Variants in CCDC7 observed in about 807,000 individuals in gnomAD.
The protein encoded by CCDC7 is coiled-coil domain-containing protein 7.
A neutral mutation model predicts 196.9 loss-of-function variants in CCDC7; 183 were observed. That is an observed-to-expected ratio of 0.93 (90% CI 0.82 to 1.05). The LOEUF is 1.05. Among genes scored for constraint, CCDC7 ranks in the 50% least tolerant of loss-of-function variants. The probability of loss-of-function intolerance (pLI) is 0.00; values close to 1 mark genes in which losing one functional copy is unlikely to be tolerated. For missense variants in CCDC7, 1,540 were observed against 1,482.2 expected, an observed-to-expected ratio of 1.04 and a Z score of -0.64; for synonymous variants, 525 against 484.6, an observed-to-expected ratio of 1.08 and a Z score of -1.10.
At chr10:32,823,884 C>T (rs2090683521) in intron 31 of CCDC7, among the ~76,000 whole-genome samples, 1 of 152,154 alleles carries the variant, frequency 6.6e-6, no homozygotes. Flanking sequence ...TAAAGTCCGC[C>T]TGCTAAAAGA....
chr10:32,663,308 A>T (rs973373807), intron 20 of CCDC7, among the ~76,000 whole-genome samples: 2 of 152,214 alleles, frequency 1.3e-5, no homozygotes, highest in African/African-American at 4.8e-5. Flanking sequence ...ACATGAAAAC[A>T]TGCATTGTAG....
rs1228874126 is a variant in CCDC7 at position 32,694,899 on chromosome 10, A to T, written c.2365A>T (p.Lys789Ter). Reference sequence around the variant, plus strand: ...TGTAGCTCATGATGAAGAACCAGGCAAAAATCTTGTGCTTGAACATCAAGA... The same window carrying T: ...TGTAGCTCATGATGAAGAACCAGGCTAAAATCTTGTGCTTGAACATCAAGA... The change falls in exon 24 of 42, where the codon AAA becomes TAA. Residue 789 changes from lysine to a stop codon, truncating the protein, a stop_gained. Coordinates refer to ENST00000639629, the Ensembl canonical transcript of CCDC7. LOFTEE classifies it high-confidence loss of function. The T allele has an allele frequency of 3.1e-6, 5 of 1,598,756 alleles. No individual in the cohort carries two copies. The East Asian group carries it at 1.1e-4, about 36-fold the overall frequency.
chr10:32,553,234 A>T (rs1468046096), intron 13 of CCDC7, among the ~76,000 whole-genome samples: 1 of 150,902 alleles, frequency 6.6e-6, no homozygotes, highest in Middle Eastern at 3.4e-3. Context: ...AGAGCATTTC[A>T]TATTTCTAAA....
intron 26 of CCDC7, 22 bp from the exon 28 acceptor site, chr10:32,728,865 C>T: frequency 7.5e-7 from 1 of 1,334,890 alleles, no homozygotes; most frequent in South Asian, 1.3e-5. Flanking sequence ...ATTTGATGGA[C>T]TAAATGCATC....
chr10:32,566,968 TATAA>T (rs1271158222), intron 14 of CCDC7, among the ~76,000 whole-genome samples: 1 of 132,100 alleles, frequency 7.6e-6, no homozygotes, highest in Non-Finnish European at 1.6e-5. Context: ...GTTTTTTATA[TATAA>T]ATATATAACA....
At chr10:32,739,564 A>G (rs2085455000) in intron 28 of CCDC7, among the ~76,000 whole-genome samples, 1 of 151,672 alleles carries the variant, frequency 6.6e-6, no homozygotes, top group Admixed American at 6.6e-5. Flanking sequence ...TATCTTAGAC[A>G]TAATTATTTT....
At chr10:32,671,137 G>A (rs1476944252) in intron 21 of CCDC7, among the ~76,000 whole-genome samples, 2 of 152,138 alleles carry the variant, frequency 1.3e-5, no homozygotes, top group Non-Finnish European at 2.9e-5. Context: ...TAAGTCTACA[G>A]TAGTGCACAG....
intron 32 of CCDC7, among the ~76,000 whole-genome samples, chr10:32,830,619 C>T (rs1029526337): frequency 3.3e-5 from 5 of 151,944 alleles, no homozygotes; most frequent in South Asian, 4.1e-4. Context: ...TACGATTGAA[C>T]GTATTTATGG....
intron 37 of CCDC7, among the ~76,000 whole-genome samples, 192 bp downstream of exon 38, chr10:32,846,651 C>T (rs191180302): frequency 6.6e-6 from 1 of 152,254 alleles, no homozygotes; most frequent in East Asian, 1.9e-4. Flanking sequence ...GGTTTTAAAA[C>T]TCATCCATTT....
intron 28 of CCDC7, among the ~76,000 whole-genome samples, chr10:32,775,567 T>C (rs935641769): frequency 1.3e-5 from 2 of 152,196 alleles, no homozygotes; most frequent in Non-Finnish European, 2.9e-5. Flanking sequence ...CTATATACTA[T>C]ATAATCCAAA....
chr10:32,486,158 T>A (rs983152175), intron 8 of CCDC7, among the ~76,000 whole-genome samples: 1 of 152,222 alleles, frequency 6.6e-6, no homozygotes, highest in Non-Finnish European at 1.5e-5. Context: ...CTCCAAGGAC[T>A]TGCTTTATGA....
intron 25 of CCDC7, among the ~76,000 whole-genome samples, chr10:32,715,574 T>G (rs1204645475): frequency 2.0e-5 from 3 of 152,122 alleles, no homozygotes; most frequent in Non-Finnish European, 4.4e-5. Flanking sequence ...AGAAGTAGGC[T>G]TCAGGAGGTG....
intron 35 of CCDC7, 51 bp downstream of exon 36, chr10:32,845,677 G>T: frequency 6.7e-7 from 1 of 1,497,802 alleles, no homozygotes; most frequent in Non-Finnish European, 9.3e-7. Context: ...TTATATTCCT[G>T]GAGTTAAATT....
At chr10:32,448,205 ATTG>A (rs2031952790), upstream of CCDC7, among the ~76,000 whole-genome samples, 1 of 152,050 alleles carries the variant, frequency 6.6e-6, no homozygotes, top group Admixed American at 6.5e-5. Flanking sequence ...TTTTCGTTCT[ATTG>A]TTCACAACCT....
chr10:32,567,083 T>C (rs957923176), intron 14 of CCDC7, among the ~76,000 whole-genome samples: 3 of 145,012 alleles, frequency 2.1e-5, no homozygotes, highest in Non-Finnish European at 4.5e-5. Context: ...ATATATATTA[T>C]ATATATATTA....
intron 25 of CCDC7, among the ~76,000 whole-genome samples, chr10:32,713,527 T>C (rs2081145740): frequency 6.6e-6 from 1 of 152,250 alleles, no homozygotes; most frequent in Admixed American, 6.5e-5. Context: ...TTCATAAGAT[T>C]ACTTCCTTCA....
At chr10:32,541,432 G>A (rs983452973) in intron 11 of CCDC7, among the ~76,000 whole-genome samples, 6 of 152,084 alleles carry the variant, frequency 3.9e-5, no homozygotes, top group African/African-American at 1.4e-4. Flanking sequence ...TGGGAAAACA[G>A]GTGGCTACAC....
At chr10:32,786,338 T>A (rs1283837354) in intron 29 of CCDC7, among the ~76,000 whole-genome samples, 1 of 152,120 alleles carries the variant, frequency 6.6e-6, no homozygotes, top group African/African-American at 2.4e-5. Flanking sequence ...ATGAACAACT[T>A]TCAATAGAAA....
intron 29 of CCDC7, among the ~76,000 whole-genome samples, chr10:32,786,542 A>T (rs901871675): frequency 3.9e-5 from 6 of 152,148 alleles, no homozygotes; most frequent in Non-Finnish European, 1.5e-5. Flanking sequence ...GGGTGGATCA[A>T]TTGAGGCCAG....
Sources: allele counts gnomAD v4.1 joint callset (sites outside exome capture counted in the v4.1 genomes callset), GRCh38; gene constraint gnomAD v4.1.1; transcripts MANE v1.5; gene names NCBI Gene and HGNC (gene_info 2026-07-23, HGNC 2026-07-21).